The following FHIT variants were observed in gnomAD, a reference collection of about 807,000 sequenced individuals.
FHIT encodes fragile histidine triad diadenosine triphosphatase.
Under a neutral mutation model 17.9 loss-of-function variants are expected in FHIT, and 19 were observed. That is an observed-to-expected ratio of 1.06 (90% CI 0.74 to 1.56). FHIT has a LOEUF of 1.56. Ranked by LOEUF, FHIT falls within the 40% of genes most tolerant of loss-of-function variation. The pLI is 0.00. For missense variants in FHIT, 248 were observed against 189.2 expected (o/e 1.31, Z -1.82); for synonymous variants, 81 against 69.7 (o/e 1.16, Z -0.81).
chr3:61,147,523 T>C (rs989379707), intron 2 of FHIT, among the ~76,000 whole-genome samples: 1 of 152,010 alleles, frequency 6.6e-6, no homozygotes, highest in Non-Finnish European at 1.5e-5. Context: ...AATATGAATT[T>C]TAAGAACAGT....
chr3:61,091,923 G>A (rs2106815047), intron 2 of FHIT, among the ~76,000 whole-genome samples: 1 of 109,060 alleles, frequency 9.2e-6, no homozygotes, highest in East Asian at 3.0e-4. Context: ...CTGGGCAACA[G>A]AGAGACCTTG....
intron 5 of FHIT, among the ~76,000 whole-genome samples, chr3:60,233,469 A>C (rs13318087): frequency 0.058 from 8,815 of 151,936 alleles, 774 homozygotes; most frequent in African/African-American, 0.19. Flanking sequence ...CCACTCCAAC[A>C]AACTCCTCAG....
intron 5 of FHIT, among the ~76,000 whole-genome samples, chr3:60,016,215 T>G (rs1264339854): frequency 6.6e-6 from 1 of 152,234 alleles, no homozygotes; most frequent in Non-Finnish European, 1.5e-5. Flanking sequence ...AAATGTTTTA[T>G]CCAGTACATA....
At chr3:59,988,005 T>TG (rs2107463187) in intron 7 of FHIT, among the ~76,000 whole-genome samples, 1 of 149,940 alleles carries the variant, frequency 6.7e-6, no homozygotes, top group Non-Finnish European at 1.5e-5. Flanking sequence ...AATGAATTTA[T>TG]GACTGTAAAA....
chr3:60,574,260 C>T (rs1296797456), intron 4 of FHIT, among the ~76,000 whole-genome samples: 2 of 152,006 alleles, frequency 1.3e-5, no homozygotes, highest in Non-Finnish European at 2.9e-5. Flanking sequence ...TCACTTTCTG[C>T]CTTTTCTTGA....
chr3:60,108,918 C>A (rs901832108), intron 5 of FHIT, among the ~76,000 whole-genome samples: 2 of 152,166 alleles, frequency 1.3e-5, no homozygotes, highest in African/African-American at 2.4e-5. Context: ...CCACTTCAAC[C>A]TCCCAAAGTG....
chr3:61,143,575 A>G (rs1022615706), intron 2 of FHIT, among the ~76,000 whole-genome samples: 3 of 152,164 alleles, frequency 2.0e-5, no homozygotes, highest in Non-Finnish European at 4.4e-5. Context: ...TACCTAAAAA[A>G]AATTTTCTGG....
At chr3:61,147,319 T>C (rs2037254815) in intron 2 of FHIT, among the ~76,000 whole-genome samples, 1 of 152,066 alleles carries the variant, frequency 6.6e-6, no homozygotes, top group Non-Finnish European at 1.5e-5. Flanking sequence ...AACTATATAA[T>C]ACATTAGGCA....
rs71092628 is a variant in FHIT at position 60,672,874 on chromosome 3, C to CATGTGTGTGTGTGTGTGTGTGTGT, written c.-17-135896_-17-135895insACACACACACACACACACACACAT. On this transcript the variant is annotated intron_variant, in intron 4 of 9. Transcript: ENST00000492590. ...GGTTTTTAATTATACCTCTTTGTAG[C>CATGTGTGTGTGTGTGTGTGTGTGT]GTGTGTGTGTGTGTGTGTGTGTGTG... 2.6e-3 allele frequency among the ~76,000 whole-genome samples: 360 copies of CATGTGTGTGTGTGTGTGTGTGTGT among 139,512 alleles called. 5 individuals carry two copies. The highest frequency in any genetic ancestry group is 8.0e-3 in the African/African-American group (302 of 37,680). The allele number at this position is 139,512 out of a possible 152,430, so 91.5% of individuals were successfully genotyped here.
chr3:60,420,591 A>G (rs1702430376), intron 5 of FHIT, among the ~76,000 whole-genome samples: 1 of 152,112 alleles, frequency 6.6e-6, no homozygotes, highest in Non-Finnish European at 1.5e-5. Context: ...CCCAGGGGAA[A>G]AAAATCTATC....
chr3:61,003,205 G>C (rs1438105759), intron 3 of FHIT, among the ~76,000 whole-genome samples: 3 of 152,248 alleles, frequency 2.0e-5, no homozygotes, highest in African/African-American at 7.2e-5. Flanking sequence ...TCTCTCCATT[G>C]AGACCCATAC....
intron 4 of FHIT, among the ~76,000 whole-genome samples, chr3:60,638,311 A>G (rs2039640280): frequency 6.6e-6 from 1 of 152,184 alleles, no homozygotes; most frequent in Non-Finnish European, 1.5e-5. Flanking sequence ...ACCATTTCAC[A>G]GCTCTTAATG....
intron 7 of FHIT, among the ~76,000 whole-genome samples, chr3:59,940,692 C>T (rs1295520839): frequency 1.3e-5 from 2 of 152,152 alleles, no homozygotes; most frequent in East Asian, 1.9e-4. Flanking sequence ...TGAAGGCAGT[C>T]GAATATCTTA....
At chr3:60,377,182 T>C (rs968500292) in intron 5 of FHIT, among the ~76,000 whole-genome samples, 1 of 150,658 alleles carries the variant, frequency 6.6e-6, no homozygotes, top group Admixed American at 6.6e-5. Context: ...TCTGTTTACA[T>C]GCAACAGAGA....
chr3:60,529,692 T>C (rs921335045), intron 5 of FHIT, among the ~76,000 whole-genome samples: 2 of 152,350 alleles, frequency 1.3e-5, no homozygotes, highest in South Asian at 4.1e-4. Flanking sequence ...GTTCAGTGAT[T>C]GTTAACCATG....
intron 4 of FHIT, 142 bp downstream of exon 4, chr3:60,821,776 AG>A (rs1264415607): frequency 6.6e-5 from 10 of 152,322 alleles, no homozygotes; most frequent in African/African-American, 2.2e-4. Context: ...AAATTCTCCA[AG>A]GGAATCTAGC....
At position 59,858,846 on chromosome 3, in the gene FHIT, T is replaced by C. The variant is rs1160851661; in HGVS notation, c.348+63500A>G. Among the ~76,000 whole-genome samples the C allele has an allele frequency of 4.5e-4, 69 of 152,154 alleles. 2 individuals carry two copies. The highest frequency in any genetic ancestry group is 4.5e-3 in the Admixed American group (69 of 15,276). Reference sequence around the variant, plus strand: ...AAGGGGGAAAAGACTTAGATTTGAATTGAAGATACTGATATGAATTCATGT... The same window carrying C: ...AAGGGGGAAAAGACTTAGATTTGAACTGAAGATACTGATATGAATTCATGT... On this transcript the variant is annotated intron_variant, in intron 8 of 9. Transcript: ENST00000492590.
At chr3:61,189,631 T>C (rs1389273922) in intron 2 of FHIT, among the ~76,000 whole-genome samples, 3 of 152,122 alleles carry the variant, frequency 2.0e-5, no homozygotes, top group Non-Finnish European at 4.4e-5. Context: ...ACCAAGTCAA[T>C]CCTAAGCCAA....
chr3:60,241,617 A>G (rs1169664956), intron 5 of FHIT, among the ~76,000 whole-genome samples: 1 of 152,134 alleles, frequency 6.6e-6, no homozygotes, highest in African/African-American at 2.4e-5. Context: ...AAAGAGAGAT[A>G]AACGGTAGAG....
Sources: gnomAD v4.1 joint callset for allele counts (sites outside exome capture counted in the v4.1 genomes callset) on GRCh38, gnomAD v4.1.1 for gene constraint, MANE v1.5 for transcripts, NCBI Gene and HGNC (gene_info 2026-07-23, HGNC 2026-07-21) for gene names.